TJP1: variants seen among roughly 807,000 people sequenced by gnomAD.
The protein encoded by TJP1 is tight junction protein 1, also known as tight junction protein ZO-1.
Under a neutral mutation model 194.2 loss-of-function variants are expected in TJP1, and 43 were observed. The observed-to-expected ratio is 0.22, with a 90% CI of 0.17 to 0.29. The LOEUF (loss-of-function observed/expected upper bound fraction) is 0.29. TJP1 is among the 10% of genes least tolerant of loss of function. The probability of loss-of-function intolerance (pLI) is 1.00; values close to 1 mark genes in which losing one functional copy is unlikely to be tolerated. For missense variants in TJP1, 1,971 were observed against 2,185.7 expected, an observed-to-expected ratio of 0.90 and a Z score of 1.96; for synonymous variants, 801 against 779.0, an observed-to-expected ratio of 1.03 and a Z score of -0.47.
chr15:29,892,820 T>C (rs1048849889), intron 2 of TJP1, among the ~76,000 whole-genome samples: 4 of 152,220 alleles, frequency 2.6e-5, no homozygotes, highest in South Asian at 2.1e-4. Flanking sequence ...AGAGCTCTGA[T>C]GGAAATGTAC....
At position 29,925,594 on chromosome 15, in the gene TJP1, T is replaced by C. The variant is rs889240947; in HGVS notation, c.306+30638A>G. Among the ~76,000 whole-genome samples the C allele has an allele frequency of 9.2e-5, 14 of 152,290 alleles. No individual in the cohort carries two copies. The East Asian group carries it at 2.7e-3, about 29-fold the overall frequency. ...GAGGCTGGGACATTATTCTTAGAAA[T>C]ACACAAATACACGCACCCTTTTTTC... On this transcript the variant is annotated intron_variant, in intron 2 of 28. Transcript: ENST00000356107.
intron 2 of TJP1, among the ~76,000 whole-genome samples, chr15:29,793,064 T>A (rs1004894020): frequency 2.6e-5 from 4 of 152,234 alleles, no homozygotes; most frequent in African/African-American, 9.6e-5. Flanking sequence ...ACAAGGGTAA[T>A]CTAAATTTTT....
intron 2 of TJP1, among the ~76,000 whole-genome samples, chr15:29,865,897 T>C (rs954556951): frequency 6.6e-5 from 10 of 152,188 alleles, no homozygotes; most frequent in Admixed American, 3.3e-4. Flanking sequence ...CCCAGTTTTA[T>C]TGAGATCAAT....
intron 1 of TJP1, among the ~76,000 whole-genome samples, chr15:29,811,180 A>G: frequency 6.6e-6 from 1 of 152,080 alleles, no homozygotes. Flanking sequence ...GGCAGGGGCC[A>G]AATAATCCAC....
chr15:29,823,576 A>G (rs866484072), upstream of TJP1: 3 of 152,232 alleles, frequency 2.0e-5, no homozygotes, highest in Non-Finnish European at 2.9e-5. Flanking sequence ...TGAAAAGAAC[A>G]AATTTAACAA....
chr15:29,968,521 G>T (rs8040962), intron 1 of TJP1: 2 of 805,738 alleles, frequency 2.5e-6, no homozygotes, highest in Non-Finnish European at 3.0e-6. Flanking sequence ...CGCCCCGCGC[G>T]GCGCGCCCCG....
At chr15:29,852,836 G>C (rs922838524) in intron 2 of TJP1, among the ~76,000 whole-genome samples, 1 of 151,776 alleles carries the variant, frequency 6.6e-6, no homozygotes, top group Non-Finnish European at 1.5e-5. Context: ...CCTGGGAGGC[G>C]GAGGTTGCAG....
At chr15:29,909,754 C>T (rs899622238) in intron 2 of TJP1, among the ~76,000 whole-genome samples, 1 of 151,922 alleles carries the variant, frequency 6.6e-6, no homozygotes, top group Non-Finnish European at 1.5e-5. Context: ...AGCGGGGCAT[C>T]CTACCCACCA....
At chr15:29,931,938 G>A (rs994130843) in intron 2 of TJP1, among the ~76,000 whole-genome samples, 2 of 152,310 alleles carry the variant, frequency 1.3e-5, no homozygotes, top group South Asian at 2.1e-4. Flanking sequence ...ACTTCCTGAT[G>A]TTGCTATGGC....
At chr15:29,895,242 T>C (rs2053440697) in intron 2 of TJP1, among the ~76,000 whole-genome samples, 1 of 152,208 alleles carries the variant, frequency 6.6e-6, no homozygotes, top group African/African-American at 2.4e-5. Flanking sequence ...TGTCCAAATA[T>C]TTAAGTTCTT....
chr15:29,755,307 C>T (rs536498162), intron 8 of TJP1, among the ~76,000 whole-genome samples: 1 of 152,308 alleles, frequency 6.6e-6, no homozygotes, highest in South Asian at 2.1e-4. Flanking sequence ...GTATCCCCAT[C>T]AAGTGACACG....
At chr15:29,753,162 A>G (rs2045401025) in intron 8 of TJP1, among the ~76,000 whole-genome samples, 1 of 152,200 alleles carries the variant, frequency 6.6e-6, no homozygotes. Context: ...GCTTACATCC[A>G]AATGATAGCA....
chr15:29,852,740 T>C (rs1596109248), intron 2 of TJP1, among the ~76,000 whole-genome samples: 1 of 152,084 alleles, frequency 6.6e-6, no homozygotes, highest in Non-Finnish European at 1.5e-5. Flanking sequence ...ACCCCGTCTC[T>C]ACTAAAAATA....
chr15:29,789,798 T>A (rs928220118), intron 2 of TJP1, among the ~76,000 whole-genome samples: 10 of 152,206 alleles, frequency 6.6e-5, no homozygotes, highest in African/African-American at 2.2e-4. Flanking sequence ...AGTTTCAAAT[T>A]ATCCCCTTCA....
chr15:29,925,434 G>A lies in TJP1; in HGVS notation c.306+30798C>T, dbSNP rs576744899. Reference sequence around the variant, plus strand: ...CATCTGCCACCAGGTGTGTGGTGAGGTCATGAGGGCAGACACTCAGGCGCT... The same window carrying A: ...CATCTGCCACCAGGTGTGTGGTGAGATCATGAGGGCAGACACTCAGGCGCT... On this transcript the variant is annotated intron_variant, in intron 2 of 28. Transcript: ENST00000356107. Among the ~76,000 whole-genome samples the A allele has an allele frequency of 5.3e-5, 8 of 152,242 alleles. No homozygotes were observed. The South Asian group carries it at 1.7e-3, about 32-fold the overall frequency.
At chr15:29,732,576 T>C (rs2043735909) in intron 14 of TJP1, 48 bp from the exon 15 acceptor site, 2 of 1,613,026 alleles carry the variant, frequency 1.2e-6, no homozygotes, top group Non-Finnish European at 1.7e-6. Flanking sequence ...ACCTTTTCTT[T>C]CTTAAACATA....
At chr15:29,838,047 C>T (rs892842703) in intron 2 of TJP1, among the ~76,000 whole-genome samples, 9 of 152,186 alleles carry the variant, frequency 5.9e-5, no homozygotes, top group Admixed American at 4.6e-4. Flanking sequence ...AGGTTGTTAG[C>T]ATCTATAAAT....
At chr15:29,955,005 G>A (rs2055884569) in intron 2 of TJP1, among the ~76,000 whole-genome samples, 1 of 151,936 alleles carries the variant, frequency 6.6e-6, no homozygotes, top group Non-Finnish European at 1.5e-5. Flanking sequence ...GCTTGAACCC[G>A]GGAAGCAGAG....
rs543455376 is a variant in TJP1 at position 29,734,341 on chromosome 15, G to A, written c.1449C>T (p.Ala483=). 23 of 1,613,016 alleles carry A rather than the reference G, an allele frequency of 1.4e-5. No homozygotes were observed. Among genetic ancestry groups the A allele is most frequent in the African/African-American group, 2.7e-5 (2 of 74,882 alleles). Residue 483 remains alanine, a synonymous_variant, in exon 12 of 28, where the codon GCC becomes GCT. Transcript: ENST00000614355. ...TAGGGAGGTCAAGCAGGAAAAGGAC[G>A]GCTTCTTCTCTTATGATATTTGTAA... ...VDFTNIIREE[A]VLFLLDLPKG...
Sources: gnomAD v4.1 joint callset for allele counts (sites outside exome capture counted in the v4.1 genomes callset) on GRCh38, gnomAD v4.1.1 for gene constraint, MANE v1.5 for transcripts, NCBI Gene and HGNC (gene_info 2026-07-23, HGNC 2026-07-21) for gene names.